Variants in P2RX5 observed in about 807,000 individuals in gnomAD.
The protein encoded by P2RX5 is P2X purinoceptor 5.
Under a neutral mutation model 54.1 loss-of-function variants are expected in P2RX5, and 46 were observed. The ratio of observed to expected loss-of-function variants is 0.85; its 90% confidence interval spans 0.67 to 1.09. The LOEUF (loss-of-function observed/expected upper bound fraction) is 1.09. P2RX5 is among the 50% of genes least tolerant of loss of function. The pLI is 0.00. For missense variants in P2RX5, 566 were observed against 549.8 expected (o/e 1.03, Z -0.29); for synonymous variants, 226 against 226.4 (o/e 1.00, Z 0.02).
At position 3,673,764 on chromosome 17, in the gene P2RX5, A is replaced by G. The variant is rs2050035409; in HGVS notation, c.*104T>C. On this transcript the variant is annotated 3_prime_UTR_variant, in exon 12 of 12. Coordinates refer to ENST00000225328, the MANE Select transcript of P2RX5 (RefSeq NM_002561.4). ...ATGTGGCATTGATAGCACCCAATGT[A>G]CAAATTTCCCGTTGGGCAGCATCCT... 1.2e-6 allele frequency: 2 copies of G among 1,610,988 alleles called. No individual in the cohort carries two copies. Among genetic ancestry groups the G allele is most frequent in the Non-Finnish European group, 1.7e-6 (2 of 1,179,532 alleles).
At chr17:3,688,508 C>G (rs1261331719) in intron 8 of P2RX5, 118 bp downstream of exon 8, 5 of 1,120,684 alleles carry the variant, frequency 4.5e-6, no homozygotes, top group Non-Finnish European at 6.8e-6. Context: ...GCCATCTGTC[C>G]CTGCACCTCC....
At chr17:3,689,708 C>G (rs2050547659) in intron 6 of P2RX5, 78 bp from the exon 7 acceptor site, 1 of 1,583,454 alleles carries the variant, frequency 6.3e-7, no homozygotes, top group Admixed American at 1.7e-5. Flanking sequence ...CACTCGGTCC[C>G]TCACCAACCT....
At chr17:3,704,992 G>A in the P2RX5 span, among the ~76,000 whole-genome samples, 3 of 152,130 alleles carry the variant, frequency 2.0e-5, no homozygotes, top group African/African-American at 7.2e-5. Context: ...GACAACAAGA[G>A]CAAAACTCTC....
the P2RX5 span, chr17:3,716,962 T>C: frequency 1.7e-6 from 1 of 572,970 alleles, no homozygotes; most frequent in Non-Finnish European, 3.1e-6. Context: ...TGATGCAGCA[T>C]TTTAGATCAT....
the P2RX5 span, chr17:3,723,174 C>A: frequency 2.6e-6 from 2 of 774,192 alleles, no homozygotes; most frequent in Non-Finnish European, 2.2e-6. Flanking sequence ...TTTTTTGCAC[C>A]AAAAGATCTA....
upstream of P2RX5, among the ~76,000 whole-genome samples, chr17:3,699,837 A>G (rs1478201624): frequency 7.1e-6 from 1 of 141,180 alleles, no homozygotes; most frequent in Non-Finnish European, 1.6e-5. Flanking sequence ...AGAGAGAGAG[A>G]GAGAAAGAAA....
In P2RX5 at chr17:3,696,011, G is replaced by T; in HGVS notation, c.-6C>A. The T allele has an allele frequency of 1.2e-6, 2 of 1,613,356 alleles. No homozygotes were observed. The highest frequency in any genetic ancestry group is 1.7e-6 in the Non-Finnish European group (2 of 1,179,630). ...TTGCAGCCCGCCTGCCCCATGGCGC[G>T]CTCTCAGCCGGGCTTGCGGACCGCC... On this transcript the variant is annotated 5_prime_UTR_variant, in exon 1 of 12. Transcript: ENST00000225328.
At chr17:3,701,755 T>TG in the P2RX5 span, among the ~76,000 whole-genome samples, 28 of 119,936 alleles carry the variant, frequency 2.3e-4, no homozygotes, top group South Asian at 2.2e-3. Context: ...TGTTTTTTTT[T>TG]TTTTTGTTTT....
intron 8 of P2RX5, 135 bp downstream of exon 8, chr17:3,688,491 C>T: frequency 1.0e-6 from 1 of 965,808 alleles, no homozygotes; most frequent in Admixed American, 1.8e-5. Context: ...GTCCACACCT[C>T]TCCTGGGCCA....
intron 1 of P2RX5, 95 bp from the exon 2 acceptor site, chr17:3,691,889 C>A: frequency 7.6e-7 from 1 of 1,317,012 alleles, no homozygotes; most frequent in Non-Finnish European, 1.1e-6. Context: ...CACAGCAACT[C>A]CTAGTTGAGG....
chr17:3,678,665 C>T (rs937626114), intron 11 of P2RX5, among the ~76,000 whole-genome samples: 5 of 152,238 alleles, frequency 3.3e-5, no homozygotes, highest in East Asian at 1.9e-4. Flanking sequence ...CCCAGCTGAA[C>T]GCTGCCAATT....
intron 10 of P2RX5, among the ~76,000 whole-genome samples, chr17:3,681,628 G>T (rs1438496010): frequency 6.6e-6 from 1 of 152,232 alleles, no homozygotes; most frequent in Non-Finnish European, 1.5e-5. Flanking sequence ...AGAAACCGAG[G>T]CCCGGGGAGG....
intron 1 of P2RX5, among the ~76,000 whole-genome samples, chr17:3,692,369 AG>A (rs1486642903): frequency 6.6e-6 from 1 of 152,182 alleles, no homozygotes; most frequent in Admixed American, 6.5e-5. Context: ...GTCCACTCAG[AG>A]GCCCCAAGTG....
chr17:3,711,718 A>G, the P2RX5 span, among the ~76,000 whole-genome samples: 2 of 137,262 alleles, frequency 1.5e-5, no homozygotes, highest in African/African-American at 2.7e-5. Flanking sequence ...TTTTTGAGAC[A>G]GGGTCTCGCT....
At chr17:3,702,929 C>T in the P2RX5 span, among the ~76,000 whole-genome samples, 1 of 152,220 alleles carries the variant, frequency 6.6e-6, no homozygotes, top group African/African-American at 2.4e-5. Context: ...ACATCCTGGT[C>T]TGCTCTGAGA....
the P2RX5 span, among the ~76,000 whole-genome samples, chr17:3,708,265 C>G: frequency 1.0e-3 from 153 of 152,140 alleles, 1 homozygote; most frequent in African/African-American, 3.1e-3. Flanking sequence ...TTAGCTCCCC[C>G]ACTTTGGAGA....
chr17:3,680,245 G>A (rs111163804), intron 10 of P2RX5, among the ~76,000 whole-genome samples: 2,179 of 107,692 alleles, frequency 0.02, 55 homozygotes, highest in African/African-American at 0.045. Context: ...TCCACCCAGC[G>A]TCCTCCACCC....
At chr17:3,702,489 C>G in the P2RX5 span, among the ~76,000 whole-genome samples, 4 of 151,920 alleles carry the variant, frequency 2.6e-5, no homozygotes, top group African/African-American at 9.7e-5. Context: ...TCCTCTTCCA[C>G]GTTGTGGAAG....
chr17:3,681,724 C>T (rs556679817), intron 10 of P2RX5, among the ~76,000 whole-genome samples, 172 bp downstream of exon 10: 2 of 152,190 alleles, frequency 1.3e-5, no homozygotes, highest in Non-Finnish European at 2.9e-5. Context: ...CCACTGCTGC[C>T]GAGGCCGAAT....
Sources: gnomAD v4.1 joint callset for allele counts (sites outside exome capture counted in the v4.1 genomes callset) on GRCh38, gnomAD v4.1.1 for gene constraint, MANE v1.5 for transcripts, NCBI Gene and HGNC (gene_info 2026-07-23, HGNC 2026-07-21) for gene names.